The following TIMM17B variants were observed in gnomAD, a reference collection of about 807,000 sequenced individuals.
TIMM17B encodes the protein mitochondrial import inner membrane translocase subunit Tim17-B.
Under a neutral mutation model 15.9 loss-of-function variants are expected in TIMM17B, and 10 were observed. The ratio of observed to expected loss-of-function variants is 0.63; its 90% CI spans 0.39 to 1.06. The LOEUF is 1.06. Ranked by LOEUF, TIMM17B falls within the 50% of genes least tolerant of loss-of-function variation. TIMM17B has a pLI of 0.01. For missense variants in TIMM17B, 114 were observed against 152.2 expected (o/e 0.75, Z 1.32); for synonymous variants, 57 against 57.2 (o/e 1.00, Z 0.02).
At chrX:48,896,682 C>A in intron 3 of TIMM17B, 77 bp downstream of exon 2, 1 of 1,191,150 alleles carries the variant, frequency 8.4e-7, no homozygotes, top group Non-Finnish European at 1.1e-6. Flanking sequence ...CTGGCAGCTC[C>A]AAGCAGTTTT....
At chrX:48,897,957 G>A in intron 1 of TIMM17B, 189 bp from the exon 1 acceptor site, 1 of 883,534 alleles carries the variant, frequency 1.1e-6, no homozygotes, top group Non-Finnish European at 1.5e-6. Context: ...GGGGAGTGAA[G>A]GCCTCGTTGA....
At chrX:48,896,818 T>C in exon 3 of TIMM17B, 1 of 1,209,856 alleles carries the variant, frequency 8.3e-7, no homozygotes, top group Non-Finnish European at 1.1e-6. Flanking sequence ...ATGACACCCA[T>C]AGTGAAGGCT....
intron 3 of TIMM17B, chrX:48,895,835 C>T (rs916607324): frequency 2.1e-5 from 4 of 193,506 alleles, no homozygotes; most frequent in African/African-American, 1.2e-4. Flanking sequence ...ATCCGGGTTT[C>T]TGAGCCAGAA....
chrX:48,897,729 C>A (rs200328128), exon 2 of TIMM17B: 9 of 1,207,466 alleles, frequency 7.5e-6, no homozygotes, highest in South Asian at 3.5e-5. Flanking sequence ...CGTACCAGGG[C>A]TCCCGAGCGT....
chrX:48,896,924 T>G, intron 2 of TIMM17B, 66 bp from the exon 2 acceptor site: 2 of 1,190,911 alleles, frequency 1.7e-6, no homozygotes, highest in South Asian at 3.7e-5. Flanking sequence ...ACACGAACTC[T>G]TTTCTAACTG....
intron 3 of TIMM17B, 106 bp from the exon 3 acceptor site, chrX:48,895,207 G>T: frequency 2.8e-6 from 2 of 705,685 alleles, no homozygotes; most frequent in African/African-American, 2.1e-5. Context: ...AGAGGTATGA[G>T]CTGTAGAGAT....
exon 6 of TIMM17B, chrX:48,893,930 T>G (rs2063295373): frequency 8.3e-7 from 1 of 1,207,883 alleles, no homozygotes; most frequent in Admixed American, 2.2e-5. Flanking sequence ...GTGTAGCGAG[T>G]GAGGAGGATG....
intron 4 of TIMM17B, 57 bp from the exon 4 acceptor site, chrX:48,894,282 A>T: frequency 8.6e-7 from 1 of 1,162,141 alleles, no homozygotes; most frequent in Non-Finnish European, 1.2e-6. Context: ...TTCACATCTC[A>T]GGGGACTTCC....
chrX:48,895,282 G>T (rs1281428766), intron 3 of TIMM17B, 181 bp from the exon 3 acceptor site: 20 of 495,717 alleles, frequency 4.0e-5, no homozygotes, highest in Non-Finnish European at 5.8e-5. Context: ...TCAGAGCTAG[G>T]TTGAGAAGTG....
rs1406979991 is a variant in TIMM17B, at chrX:48,896,741, G to A, written c.126+18C>T. ...AGATAGCTAACCCCACACCAACCCA[G>A]GGAAGGCCTGGACTCACAACAGGGG... On this transcript the variant is annotated intron_variant, in intron 3 of 6. Transcript: ENST00000376582. 1 of 1,208,220 alleles carries A rather than the reference G, an allele frequency of 8.3e-7. No individual in the cohort carries two copies. Among genetic ancestry groups the A allele is most frequent in the African/African-American group, 1.8e-5 (1 of 56,711 alleles).
intron 3 of TIMM17B, chrX:48,895,405 G>A: frequency 1.9e-6 from 1 of 516,505 alleles, no homozygotes. Flanking sequence ...AACAAGGTAG[G>A]TCTGCTCTCT....
Position 48,894,231 on chromosome X carries a change from G to T in TIMM17B, c.191-6C>A, listed in dbSNP as rs781961003. 14 of 1,205,933 alleles carry T rather than the reference G, an allele frequency of 1.2e-5. No individual in the cohort carries two copies. Among genetic ancestry groups the T allele is most frequent in the Non-Finnish European group, 1.6e-5 (14 of 892,629 alleles). On this transcript the variant is annotated splice_region_variant and splice_polypyrimidine_tract_variant and intron_variant, in intron 4 of 6. Coordinates refer to ENST00000376582, the Ensembl canonical transcript of TIMM17B. ...CCCCCACACTGCGAAGCTACCTGTA[G>T]TGGAACCGAGGCCTAATTAGTTCCT...
intron 6 of TIMM17B, 30 bp from the exon 6 acceptor site, chrX:48,893,847 G>A (rs1557039069): frequency 1.8e-5 from 21 of 1,182,140 alleles, no homozygotes; most frequent in Middle Eastern, 2.4e-4. Flanking sequence ...GTAAGGATGA[G>A]TGGAAGAGGC....
Position 48,897,664 on chromosome X carries a change from C to T in TIMM17B, c.26+60G>A, listed in dbSNP as rs1336036904. 1.4e-5 allele frequency: 14 copies of T among 1,034,228 alleles called. No individual in the cohort carries two copies. The African/African-American group carries it at 2.4e-4, about 18-fold the overall frequency. The allele number at this position is 1,034,228 out of a possible 1,213,427, so 85.2% of individuals were successfully genotyped here. ...TGCGGCCGATGCCTCCCCCGCCCGACCCCCACGGCTGGCCTTGGCGTCGCA... is the reference window on the plus strand; with the variant it reads ...TGCGGCCGATGCCTCCCCCGCCCGATCCCCACGGCTGGCCTTGGCGTCGCA... On this transcript the variant is annotated intron_variant, in intron 2 of 6. Transcript: ENST00000376582.
intron 3 of TIMM17B, chrX:48,896,472 C>A (rs1219817035): frequency 1.0e-4 from 28 of 276,564 alleles, no homozygotes; most frequent in Non-Finnish European, 1.5e-4. Context: ...AAAAAAAAAA[C>A]TGTCTGGCTT....
exon 2 of TIMM17B, chrX:48,897,751 G>C (rs782151074): frequency 1.7e-6 from 2 of 1,208,601 alleles, no homozygotes; most frequent in African/African-American, 1.7e-5. Flanking sequence ...CTCCTCCATG[G>C]CGCTGGCGTC....
chrX:48,894,363 G>T, intron 4 of TIMM17B, 138 bp from the exon 4 acceptor site: 1 of 612,434 alleles, frequency 1.6e-6, no homozygotes, highest in Non-Finnish European at 2.5e-6. Flanking sequence ...AACCCACACA[G>T]AGTATTTCCT....
At chrX:48,894,374 A>G in intron 4 of TIMM17B, 149 bp from the exon 4 acceptor site, 3 of 550,451 alleles carry the variant, frequency 5.5e-6, no homozygotes, top group Non-Finnish European at 5.8e-6. Flanking sequence ...AGTATTTCCT[A>G]TCTGTCCCCA....
In TIMM17B at chrX:48,894,155, CT is replaced by C; in HGVS notation, c.260del (p.Glu87GlyfsTer12). 1 of 1,204,540 alleles carries C rather than the reference CT, an allele frequency of 8.3e-7. No homozygotes were observed. Among genetic ancestry groups the C allele is most frequent in the Non-Finnish European group, 1.1e-6 (1 of 891,294 alleles). On this transcript the variant is annotated frameshift_variant, in exon 5 of 7. Transcript: ENST00000376582. LOFTEE classifies it high-confidence loss of function. ...CACTGGTGATAGAGTTCCAGGGATC[CT>C]CCTTGCCCCGAAGCCGCACCAGGCC...
Sources: allele counts gnomAD v4.1 joint callset, GRCh38; gene constraint gnomAD v4.1.1; transcripts MANE v1.5; gene names NCBI Gene and HGNC (gene_info 2026-07-23, HGNC 2026-07-21).